Variants in SCD5 observed in about 807,000 individuals in gnomAD.
SCD5 encodes the protein stearoyl-CoA desaturase 5, also known as acyl-CoA-desaturase 4.
A neutral mutation model predicts 30.4 loss-of-function variants in SCD5; 20 were observed. The observed-to-expected ratio is 0.66, with a 90% CI of 0.46 to 0.96. The LOEUF (loss-of-function observed/expected upper bound fraction) is 0.96, where lower values mean the gene tolerates loss of function less well. Among genes scored for constraint, SCD5 ranks in the 40% least tolerant of loss-of-function variants. SCD5 has a pLI of 0.00. For missense variants in SCD5, 381 were observed against 443.3 expected (o/e 0.86, Z 1.26); for synonymous variants, 173 against 176.4 (o/e 0.98, Z 0.16).
At chr4:82,726,428 A>C (rs1037934974) in intron 1 of SCD5, among the ~76,000 whole-genome samples, 2 of 151,808 alleles carry the variant, frequency 1.3e-5, no homozygotes, top group African/African-American at 4.8e-5. Context: ...AAAAAAAAAA[A>C]AAAAAAACAA....
At chr4:82,795,595 C>T (rs935944502) in intron 1 of SCD5, among the ~76,000 whole-genome samples, 15 of 150,986 alleles carry the variant, frequency 9.9e-5, no homozygotes, top group African/African-American at 2.9e-4. Flanking sequence ...TTTGGGAGGA[C>T]TGCTTGAGCC....
intron 1 of SCD5, among the ~76,000 whole-genome samples, chr4:82,706,469 G>C (rs59530713): frequency 0.011 from 1,752 of 152,352 alleles, 37 homozygotes; most frequent in African/African-American, 0.04. Flanking sequence ...ACCAACAGTG[G>C]TTCACAGCAG....
chr4:82,730,566 A>G (rs1720615276), intron 1 of SCD5, among the ~76,000 whole-genome samples: 1 of 142,722 alleles, frequency 7.0e-6, no homozygotes, highest in African/African-American at 2.6e-5. Flanking sequence ...AAAGGAAAAT[A>G]TATGTATTTT....
chr4:82,738,993 G>A (rs1053519579), intron 1 of SCD5, among the ~76,000 whole-genome samples: 8 of 152,176 alleles, frequency 5.3e-5, no homozygotes, highest in Admixed American at 1.3e-4. Context: ...ATGGGCAAAT[G>A]TTTTGATGAT....
At chr4:82,783,268 A>G (rs1477875594) in intron 1 of SCD5, among the ~76,000 whole-genome samples, 1 of 152,174 alleles carries the variant, frequency 6.6e-6, no homozygotes. Context: ...AGTTAGTAGG[A>G]AAAAGGTTGC....
chr4:82,772,868 G>A (rs888300965), intron 1 of SCD5, among the ~76,000 whole-genome samples: 6 of 152,114 alleles, frequency 3.9e-5, no homozygotes, highest in African/African-American at 1.4e-4. Context: ...CTCTCATAGT[G>A]CCTGGCATCT....
chr4:82,693,495 A>T (rs1023529570), intron 2 of SCD5, among the ~76,000 whole-genome samples: 4 of 152,170 alleles, frequency 2.6e-5, no homozygotes, highest in Admixed American at 1.3e-4. Flanking sequence ...TTCCTGATTC[A>T]ATGCTTGCCC....
At chr4:82,765,508 T>A (rs1721467512) in intron 1 of SCD5, among the ~76,000 whole-genome samples, 1 of 152,258 alleles carries the variant, frequency 6.6e-6, no homozygotes, top group Admixed American at 6.5e-5. Context: ...TTCTGCCATA[T>A]ACTTTAAATC....
intron 1 of SCD5, among the ~76,000 whole-genome samples, chr4:82,760,757 T>C (rs1211255508): frequency 2.0e-5 from 3 of 152,174 alleles, no homozygotes; most frequent in East Asian, 1.9e-4. Flanking sequence ...GTGGAGCTCA[T>C]TGTCTGGACC....
At chr4:82,639,382 G>A (rs1560521240) in intron 3 of SCD5, among the ~76,000 whole-genome samples, 1 of 152,210 alleles carries the variant, frequency 6.6e-6, no homozygotes, top group Non-Finnish European at 1.5e-5. Context: ...AGCACTGGGT[G>A]GAGGGAGAAG....
At chr4:82,717,658 G>A (rs913441805) in intron 1 of SCD5, among the ~76,000 whole-genome samples, 1 of 151,618 alleles carries the variant, frequency 6.6e-6, no homozygotes, top group African/African-American at 2.4e-5. Flanking sequence ...GCTCACGCCT[G>A]TAATCCCAGC....
intron 1 of SCD5, among the ~76,000 whole-genome samples, chr4:82,746,680 C>T (rs1295287414): frequency 6.6e-6 from 1 of 151,988 alleles, no homozygotes; most frequent in Non-Finnish European, 1.5e-5. Context: ...GTTTTGAAGA[C>T]ATTTGAAGAA....
chr4:82,671,406 A>G (rs1371884441), intron 3 of SCD5, among the ~76,000 whole-genome samples: 1 of 152,220 alleles, frequency 6.6e-6, no homozygotes, highest in Non-Finnish European at 1.5e-5. Context: ...ATTGACATCT[A>G]CAGGCTACTT....
At chr4:82,724,002 T>C (rs1720422595) in intron 1 of SCD5, among the ~76,000 whole-genome samples, 1 of 151,108 alleles carries the variant, frequency 6.6e-6, no homozygotes, top group African/African-American at 2.4e-5. Flanking sequence ...GTGTATGGAA[T>C]CATTTAGGTG....
chr4:82,664,997 C>CTATATATATATATA (rs1434283229), intron 3 of SCD5, among the ~76,000 whole-genome samples: 11 of 79,384 alleles, frequency 1.4e-4, no homozygotes, highest in African/African-American at 5.7e-4. Context: ...CTCTCTCTCT[C>CTATATATATATATA]TCTATATATA....
chr4:82,670,339 T>A (rs1728283200), intron 3 of SCD5, among the ~76,000 whole-genome samples: 1 of 151,660 alleles, frequency 6.6e-6, no homozygotes, highest in South Asian at 2.1e-4. Context: ...CACAAAGAAA[T>A]GATAGAGATA....
At chr4:82,775,663 C>G (rs2148849856) in intron 1 of SCD5, 1 of 152,272 alleles carries the variant, frequency 6.6e-6, no homozygotes, top group Admixed American at 6.5e-5. Context: ...GAGTTTAAGA[C>G]CAGCCTGGGC....
chr4:82,711,584 T>C (rs937593890), intron 1 of SCD5, among the ~76,000 whole-genome samples: 2 of 152,146 alleles, frequency 1.3e-5, no homozygotes, highest in African/African-American at 4.8e-5. Context: ...CACGTGCCTG[T>C]AGTTCCAGCT....
intron 3 of SCD5, among the ~76,000 whole-genome samples, chr4:82,637,906 G>A (rs1370660454): frequency 6.6e-6 from 1 of 151,996 alleles, no homozygotes; most frequent in Non-Finnish European, 1.5e-5. Flanking sequence ...TTCATGTGCA[G>A]GACGTGCAGG....
Sources: gnomAD v4.1 joint callset for allele counts (sites outside exome capture counted in the v4.1 genomes callset) on GRCh38, gnomAD v4.1.1 for gene constraint, MANE v1.5 for transcripts, NCBI Gene and HGNC (gene_info 2026-07-23, HGNC 2026-07-21) for gene names.